Variants in TEAD1 observed in about 807,000 individuals in gnomAD.
The protein encoded by TEAD1 is transcriptional enhancer factor TEF-1.
TEAD1 carries 9 observed loss-of-function variants against 54.9 expected under a neutral mutation model. That is an observed-to-expected ratio of 0.16 (90% CI 0.10 to 0.29). The LOEUF (loss-of-function observed/expected upper bound fraction) is 0.29. Ranked by LOEUF, TEAD1 falls within the 10% of genes least tolerant of loss-of-function variation. The probability of loss-of-function intolerance (pLI) is 1.00; values close to 1 mark genes in which losing one functional copy is unlikely to be tolerated. For missense variants in TEAD1, 387 were observed against 535.9 expected (o/e 0.72, Z 2.74); for synonymous variants, 200 against 187.8 (o/e 1.07, Z -0.53).
chr11:12,871,856 C>T (rs1188790943), intron 5 of TEAD1, among the ~76,000 whole-genome samples: 1 of 152,112 alleles, frequency 6.6e-6, no homozygotes, highest in Non-Finnish European at 1.5e-5. Flanking sequence ...GATGTATTCA[C>T]GTCAGGCTCT....
intron 3 of TEAD1, among the ~76,000 whole-genome samples, chr11:12,837,237 G>A (rs1946911242): frequency 6.6e-6 from 1 of 152,122 alleles, no homozygotes; most frequent in Non-Finnish European, 1.5e-5. Context: ...AATATGAAAA[G>A]TAGCTACTCC....
chr11:12,721,187 G>T (rs1054133869), intron 2 of TEAD1, among the ~76,000 whole-genome samples: 3 of 152,170 alleles, frequency 2.0e-5, no homozygotes, highest in Admixed American at 6.5e-5. Context: ...AGGTTTCCTT[G>T]AGGACGAGTG....
At chr11:12,913,374 C>G (rs1372572887) in intron 10 of TEAD1, among the ~76,000 whole-genome samples, 1 of 152,174 alleles carries the variant, frequency 6.6e-6, no homozygotes, top group African/African-American at 2.4e-5. Context: ...CACATACATG[C>G]CTGTGGTCAG....
intron 3 of TEAD1, among the ~76,000 whole-genome samples, chr11:12,849,984 A>G (rs1947237795): frequency 6.6e-6 from 1 of 152,212 alleles, no homozygotes; most frequent in Admixed American, 6.5e-5. Context: ...AAGATGTTCA[A>G]TTTCAACAAC....
At chr11:12,732,155 G>C (rs1467955962) in intron 2 of TEAD1, among the ~76,000 whole-genome samples, 1 of 151,940 alleles carries the variant, frequency 6.6e-6, no homozygotes, top group Non-Finnish European at 1.5e-5. Context: ...AAGTCAGCTG[G>C]TCATTATATC....
intron 3 of TEAD1, chr11:12,828,081 T>G (rs1946692680): frequency 6.6e-6 from 1 of 152,214 alleles, no homozygotes; most frequent in Admixed American, 6.5e-5. Flanking sequence ...GTCGGTTTAC[T>G]TGGCTGAAGA....
intron 3 of TEAD1, among the ~76,000 whole-genome samples, chr11:12,806,979 A>T (rs1946186080): frequency 6.6e-6 from 1 of 152,208 alleles, no homozygotes; most frequent in Non-Finnish European, 1.5e-5. Flanking sequence ...AATAAGTGGG[A>T]TGCAATAAGA....
intron 3 of TEAD1, among the ~76,000 whole-genome samples, chr11:12,825,220 T>C (rs1445888677): frequency 6.6e-6 from 1 of 152,190 alleles, no homozygotes; most frequent in African/African-American, 2.4e-5. Flanking sequence ...TTGCTACTTA[T>C]ATTTAAAATT....
intron 2 of TEAD1, among the ~76,000 whole-genome samples, chr11:12,757,417 TCTC>T (rs1945006081): frequency 6.6e-6 from 1 of 152,204 alleles, no homozygotes; most frequent in South Asian, 2.1e-4. Context: ...AAGTTACCAT[TCTC>T]CTCAAAATAA....
intron 12 of TEAD1, among the ~76,000 whole-genome samples, chr11:12,936,412 TC>T (rs769473779): frequency 1.1e-4 from 16 of 152,226 alleles, no homozygotes; most frequent in Non-Finnish European, 2.1e-4. Flanking sequence ...ATCCCACTGT[TC>T]CTTGATTCAG....
chr11:12,865,813 C>T (rs147604262), intron 5 of TEAD1, among the ~76,000 whole-genome samples: 267 of 152,234 alleles, frequency 1.8e-3, no homozygotes, highest in African/African-American at 5.7e-3. Flanking sequence ...GAGGAGCTTT[C>T]GTTTATAATA....
At chr11:12,744,336 A>G (rs1944704985) in intron 2 of TEAD1, among the ~76,000 whole-genome samples, 2 of 152,220 alleles carry the variant, frequency 1.3e-5, no homozygotes, top group African/African-American at 4.8e-5. Context: ...GATGTTTGCT[A>G]CAACAGTGAA....
chr11:12,883,195 C>G, intron 9 of TEAD1, 70 bp downstream of exon 9: 1 of 1,609,598 alleles, frequency 6.2e-7, no homozygotes, highest in Non-Finnish European at 8.5e-7. Context: ...CTCCTTGCTT[C>G]TCTTTCTTTC....
chr11:12,747,854 G>A (rs1178063120), intron 2 of TEAD1, among the ~76,000 whole-genome samples: 3 of 152,170 alleles, frequency 2.0e-5, no homozygotes, highest in African/African-American at 7.2e-5. Flanking sequence ...CAGGTAGTAA[G>A]TGGAGGAATC....
At chr11:12,864,643 T>C (rs1947579379) in intron 4 of TEAD1, 195 bp from the exon 5 acceptor site, 1 of 1,352,028 alleles carries the variant, frequency 7.4e-7, no homozygotes, top group Non-Finnish European at 9.7e-7. Flanking sequence ...TTTTGTTTTG[T>C]TTTGTTTTGT....
rs143688634 is a variant in TEAD1 at position 12,712,815 on chromosome 11, A to G, written c.-55+37254A>G. ...ATTATGGGGCAATTTTGAATTGACA[A>G]TTGAGAGGGGAGCCTGTGGGAAGAC... On this transcript the variant is annotated intron_variant, in intron 2 of 12. Coordinates refer to ENST00000527636, the MANE Select transcript of TEAD1 (RefSeq NM_021961.6). Among the ~76,000 whole-genome samples the G allele has an allele frequency of 8.0e-3, 1,211 of 152,288 alleles. 20 individuals are homozygous for G. The highest frequency in any genetic ancestry group is 0.028 in the African/African-American group (1,159 of 41,556).
At chr11:12,872,658 A>G (rs890686958) in intron 5 of TEAD1, among the ~76,000 whole-genome samples, 1 of 152,230 alleles carries the variant, frequency 6.6e-6, no homozygotes, top group Non-Finnish European at 1.5e-5. Context: ...GATTTTCTTT[A>G]TAAGGGCAAC....
intron 5 of TEAD1, among the ~76,000 whole-genome samples, chr11:12,871,004 C>G (rs1374447858): frequency 6.6e-6 from 1 of 152,214 alleles, no homozygotes; most frequent in Non-Finnish European, 1.5e-5. Context: ...ATGTGTTTGT[C>G]TCCTACTCAG....
intron 10 of TEAD1, among the ~76,000 whole-genome samples, chr11:12,904,418 T>C (rs563019464): frequency 3.3e-5 from 5 of 152,222 alleles, no homozygotes; most frequent in Admixed American, 1.3e-4. Context: ...CACGATGATA[T>C]TGACAAAATG....
Sources: allele counts gnomAD v4.1 joint callset (sites outside exome capture counted in the v4.1 genomes callset), GRCh38; gene constraint gnomAD v4.1.1; transcripts MANE v1.5; gene names NCBI Gene and HGNC (gene_info 2026-07-23, HGNC 2026-07-21).